The following ACVR1 variants were observed in gnomAD, a reference collection of about 807,000 sequenced individuals.
ACVR1 encodes the protein activin receptor type-1.
In ACVR1, 38 loss-of-function variants were observed where a neutral mutation model predicts 57.1. That is an observed-to-expected ratio of 0.67 (90% CI 0.51 to 0.87). The LOEUF is 0.87. Among genes scored for constraint, ACVR1 ranks in the 40% least tolerant of loss-of-function variants. The pLI, the probability that ACVR1 is intolerant of heterozygous loss-of-function variation, is 0.00. For synonymous variants in ACVR1, 212 were observed against 228.1 expected, an observed-to-expected ratio of 0.93 and a Z score of 0.63; for missense variants, 463 against 638.2, an observed-to-expected ratio of 0.73 and a Z score of 2.96.
chr2:157,803,858 G>C (rs1194642488), intron 2 of ACVR1, among the ~76,000 whole-genome samples: 1 of 151,538 alleles, frequency 6.6e-6, no homozygotes, highest in Non-Finnish European at 1.5e-5. Context: ...AATTTAAACA[G>C]AATTTTTAAA....
intron 7 of ACVR1, among the ~76,000 whole-genome samples, chr2:157,768,703 G>A (rs1007697512): frequency 1.3e-5 from 2 of 152,110 alleles, no homozygotes; most frequent in South Asian, 2.1e-4. Context: ...TTTATAGAAT[G>A]TTTGTGTTTT....
chr2:157,823,451 A>G (rs1688225702), intron 1 of ACVR1, among the ~76,000 whole-genome samples: 1 of 152,186 alleles, frequency 6.6e-6, no homozygotes, highest in South Asian at 2.1e-4. Context: ...GATAATGAAG[A>G]AAAAAAAGCC....
intron 4 of ACVR1, among the ~76,000 whole-genome samples, chr2:157,778,714 T>G (rs1329691710): frequency 2.0e-5 from 3 of 152,242 alleles, no homozygotes; most frequent in Non-Finnish European, 4.4e-5. Context: ...AAGGGCTACC[T>G]GAGCTAAAAC....
Position 157,845,051 on chromosome 2 carries a change from G to A in ACVR1, c.-182-26492C>T, listed in dbSNP as rs151217613. Among the ~76,000 whole-genome samples the A allele has an allele frequency of 6.6e-3, 1,002 of 152,288 alleles. 16 individuals carry two copies. The highest frequency in any genetic ancestry group is 0.023 in the African/African-American group (954 of 41,554). ...AGTTACAGCAGTACAAATGGACTAA[G>A]ACAAGGACTTATGATTTAGTGAAAG... On this transcript the variant is annotated intron_variant, in intron 1 of 10. Coordinates refer to ENST00000434821, the MANE Select transcript of ACVR1 (RefSeq NM_001111067.4).
chr2:157,783,326 T>C (rs1212231284), intron 3 of ACVR1, among the ~76,000 whole-genome samples: 2 of 152,358 alleles, frequency 1.3e-5, no homozygotes, highest in East Asian at 3.9e-4. Context: ...TGACAGGCTG[T>C]GCAGGGAGCC....
intron 1 of ACVR1, among the ~76,000 whole-genome samples, chr2:157,852,513 GAA>G (rs1320006546): frequency 1.5e-5 from 2 of 130,522 alleles, no homozygotes; most frequent in African/African-American, 5.8e-5. Context: ...AAAAAAAAAA[GAA>G]AAAAAAAAGA....
At chr2:157,794,955 A>T (rs1177583271) in intron 3 of ACVR1, among the ~76,000 whole-genome samples, 1 of 151,838 alleles carries the variant, frequency 6.6e-6, no homozygotes, top group Non-Finnish European at 1.5e-5. Flanking sequence ...AATATTTATT[A>T]GACATTTCGG....
rs1450825927 is a variant in ACVR1 at position 157,778,277 on chromosome 2, A to G, written c.397T>C (p.Phe133Leu). The change falls in exon 5 of 11, where the codon TTC becomes CTC. Residue 133 changes from phenylalanine to leucine, a missense_variant. Coordinates refer to ENST00000434821, the MANE Select transcript of ACVR1 (RefSeq NM_001111067.4). Reference protein sequence around the residue: ...EVGLIILSVVFAVCLLACLLG... With the variant: ...EVGLIILSVVLAVCLLACLLG... ...AGGCAGGCTAAAAGACATACTGCGA[A>G]CACTACAGAGAGAATAATGAGGCCA... 1.2e-6 allele frequency: 2 copies of G among 1,614,018 alleles called. No homozygotes were observed. The highest frequency in any genetic ancestry group is 1.7e-6 in the Non-Finnish European group (2 of 1,179,998).
Position 157,766,095 on chromosome 2 carries a change from T to C in ACVR1, c.892A>G (p.Thr298Ala). 1.2e-6 allele frequency: 2 copies of C among 1,614,168 alleles called. No homozygotes were observed. The highest frequency in any genetic ancestry group is 1.7e-6 in the Non-Finnish European group (2 of 1,180,016). Residue 298 changes from threonine (T) to alanine (A), a missense_variant, in exon 8 of 11, where the codon ACT becomes GCT. Physicochemically the swap from Thr to Ala is moderately conservative, Grantham distance 58. Around this residue, in one of 3 missense-constraint regions of ACVR1, gnomAD observed 114 missense variants for 216.2 expected, o/e 0.53. Coordinates refer to ENST00000434821, the MANE Select transcript of ACVR1 (RefSeq NM_001111067.4). ...MGSLYDYLQL[T>A]TLDTVSCLRI... ...AGGCAGCTAACTGTATCCAGAGTAG[T>C]AAGCTGAAGATAGTCGTACAACGAT...
chr2:157,839,130 T>C (rs1688888934), intron 1 of ACVR1, among the ~76,000 whole-genome samples: 1 of 152,220 alleles, frequency 6.6e-6, no homozygotes, highest in South Asian at 2.1e-4. Flanking sequence ...TCACTCACTG[T>C]CTGAGCCACA....
At chr2:157,784,111 G>A (rs1380149772) in intron 3 of ACVR1, among the ~76,000 whole-genome samples, 1 of 152,156 alleles carries the variant, frequency 6.6e-6, no homozygotes, top group Non-Finnish European at 1.5e-5. Flanking sequence ...GACTCCAAAT[G>A]TCCATGACTC....
chr2:157,858,429 C>A (rs1689609417), intron 1 of ACVR1, among the ~76,000 whole-genome samples: 1 of 151,934 alleles, frequency 6.6e-6, no homozygotes, highest in South Asian at 2.1e-4. Flanking sequence ...TGTATCTAGC[C>A]CTTTCCTCTC....
At chr2:157,864,812 CTTT>C (rs958893296) in intron 1 of ACVR1, among the ~76,000 whole-genome samples, 1 of 152,166 alleles carries the variant, frequency 6.6e-6, no homozygotes, top group African/African-American at 2.4e-5. Context: ...AGCCCTACTG[CTTT>C]TTTTACAGCT....
chr2:157,749,663 C>T lies in ACVR1; in HGVS notation c.1265-11093G>A, dbSNP rs1006812446. ...GCTGGAGAAAGACAAGAATGAAATA[C>T]GGACCAGTCCACCTACTATCCCTGG... On this transcript the variant is annotated intron_variant, in intron 9 of 10. Transcript: ENST00000434821. Among the ~76,000 whole-genome samples the T allele has an allele frequency of 8.5e-5, 13 of 152,196 alleles. 1 individual carries two copies. Among genetic ancestry groups the T allele is most frequent in the Admixed American group, 8.5e-4 (13 of 15,276 alleles).
intron 2 of ACVR1, among the ~76,000 whole-genome samples, chr2:157,816,752 A>G (rs572495538): frequency 1.3e-5 from 2 of 152,290 alleles, no homozygotes; most frequent in Non-Finnish European, 2.9e-5. Flanking sequence ...GCAGAATTTA[A>G]TCCCCAATCC....
chr2:157,744,304 A>C (rs1277083502), intron 9 of ACVR1, among the ~76,000 whole-genome samples: 1 of 152,212 alleles, frequency 6.6e-6, no homozygotes, highest in Non-Finnish European at 1.5e-5. Flanking sequence ...AAGCTATTTT[A>C]GAGAGGGAAA....
chr2:157,805,814 T>C (rs1269998886), intron 2 of ACVR1, among the ~76,000 whole-genome samples: 2 of 35,370 alleles, frequency 5.7e-5, no homozygotes, highest in African/African-American at 7.5e-5. Flanking sequence ...TTTTTTTTTC[T>C]TTTTTCTTTT....
At position 157,736,792 on chromosome 2, in the gene ACVR1, A is replaced by T; in HGVS notation, c.*739T>A. The T allele has an allele frequency of 2.9e-6, 1 of 345,540 alleles. No homozygotes were observed. 21.4% of individuals were successfully genotyped at this position (345,540 alleles called of 1,614,324 possible). A position where few individuals can be genotyped will look rare whatever the true frequency, so the allele number is the denominator to read the frequency against. ...CATTTTAGAGTATAGTGTTAAAAAC[A>T]TTTCTGTAATAAAATCATAAGACCA... On this transcript the variant is annotated 3_prime_UTR_variant, in exon 11 of 11. Transcript: ENST00000434821.
rs575253956 is a variant in ACVR1, at chr2:157,858,853, A to T, written c.-183+16943T>A. ...AGGCTGATTTCCTACTCCTGGCCTA[A>T]AGCAATCCTCCTGCTTCGGCCTCCC... On this transcript the variant is annotated intron_variant, in intron 1 of 10. Coordinates refer to ENST00000434821, the MANE Select transcript of ACVR1 (RefSeq NM_001111067.4). Among the ~76,000 whole-genome samples, 49 of 152,172 alleles carry T rather than the reference A, an allele frequency of 3.2e-4. No individual in the cohort carries two copies. In the South Asian group the frequency reaches 8.9e-3, roughly 28 times the overall value.
Sources: allele counts gnomAD v4.1 joint callset (sites outside exome capture counted in the v4.1 genomes callset), GRCh38; gene constraint gnomAD v4.1.1; regional missense constraint gnomAD v4.1.1; transcripts MANE v1.5; gene names NCBI Gene and HGNC (gene_info 2026-07-23, HGNC 2026-07-21).